The following FARP1 variants were observed in gnomAD, a reference collection of about 807,000 sequenced individuals.
The protein encoded by FARP1 is FERM, ARH/RhoGEF and pleckstrin domain protein 1.
A neutral mutation model predicts 128.8 loss-of-function variants in FARP1; 52 were observed. That is an observed-to-expected ratio of 0.40 (90% CI 0.32 to 0.51). The LOEUF (loss-of-function observed/expected upper bound fraction) is 0.51, where lower values mean the gene tolerates loss of function less well. FARP1 is among the 20% of genes least tolerant of loss of function. The pLI is 0.45. For synonymous variants in FARP1, 580 were observed against 551.8 expected, an observed-to-expected ratio of 1.05 and a Z score of -0.72; for missense variants, 1,333 against 1,367.9, an observed-to-expected ratio of 0.97 and a Z score of 0.40.
intron 17 of FARP1, among the ~76,000 whole-genome samples, chr13:98,426,509 G>A (rs7996944): frequency 0.45 from 68,311 of 151,904 alleles, 16,566 homozygotes; most frequent in African/African-American, 0.63. Flanking sequence ...TAATAAATAA[G>A]CAAAGATGAA....
intron 9 of FARP1, among the ~76,000 whole-genome samples, chr13:98,389,295 G>A (rs1328415244): frequency 1.3e-5 from 2 of 152,212 alleles, no homozygotes; most frequent in East Asian, 3.8e-4. Flanking sequence ...CCAAAACTGT[G>A]AGATCCCCCA....
intron 1 of FARP1, chr13:98,177,229 G>A (rs780544120): frequency 1.3e-6 from 2 of 1,552,928 alleles, no homozygotes; most frequent in East Asian, 2.3e-5. Flanking sequence ...AGAAGGTGGC[G>A]CTGCCATGTT....
chr13:98,406,916 T>A (rs141171075), intron 13 of FARP1: 2,036 of 152,718 alleles, frequency 0.013, 37 homozygotes, highest in South Asian at 0.066. Context: ...GGTGGCTGTA[T>A]CGGAGTGTGC....
At chr13:98,224,546 G>GA (rs11450140) in intron 2 of FARP1, among the ~76,000 whole-genome samples, 71,292 of 105,216 alleles carry the variant, frequency 0.68, 24,773 homozygotes, top group Non-Finnish European at 0.76. Context: ...AAAAAAAAAA[G>GA]AAAAAAAAAA....
chr13:98,204,880 C>A (rs925054336), intron 1 of FARP1, among the ~76,000 whole-genome samples: 4 of 151,906 alleles, frequency 2.6e-5, no homozygotes, highest in African/African-American at 9.7e-5. Context: ...CCCAGGAGCT[C>A]GAGGTTACAG....
chr13:98,439,335 G>T, intron 21 of FARP1, 139 bp downstream of exon 21: 1 of 639,660 alleles, frequency 1.6e-6, no homozygotes, highest in East Asian at 2.7e-5. Flanking sequence ...TACAAGACAT[G>T]GGCTCAAAGA....
At chr13:98,430,956 C>A in intron 17 of FARP1, 87 bp from the exon 18 acceptor site, 1 of 758,652 alleles carries the variant, frequency 1.3e-6, no homozygotes, top group Non-Finnish European at 2.3e-6. Context: ...AGTGCAGGAG[C>A]GCTTCATTTC....
intron 2 of FARP1, among the ~76,000 whole-genome samples, chr13:98,278,032 T>A (rs1194639050): frequency 6.6e-6 from 1 of 152,264 alleles, no homozygotes; most frequent in South Asian, 2.1e-4. Flanking sequence ...GGTCAAAATC[T>A]GGTGATCTGT....
intron 1 of FARP1, among the ~76,000 whole-genome samples, chr13:98,170,373 T>C (rs368050290): frequency 2.5e-4 from 38 of 152,102 alleles, no homozygotes; most frequent in African/African-American, 8.9e-4. Flanking sequence ...TGTTTATTTG[T>C]TGAGACAGAG....
intron 2 of FARP1, among the ~76,000 whole-genome samples, chr13:98,308,033 C>CTTTTTTTTTTT (rs10536692): frequency 1.8e-4 from 3 of 16,962 alleles, no homozygotes; most frequent in Admixed American, 9.1e-4. Flanking sequence ...CACTCTCTCT[C>CTTTTTTTTTTT]TTTTTTTTTT....
intron 2 of FARP1, among the ~76,000 whole-genome samples, chr13:98,319,843 G>GA (rs960728344): frequency 1.3e-5 from 2 of 151,106 alleles, no homozygotes; most frequent in Admixed American, 1.3e-4. Flanking sequence ...GTTGCTGGGG[G>GA]AAAAAAACAA....
chr13:98,290,684 G>A (rs1281633785), intron 2 of FARP1, among the ~76,000 whole-genome samples: 5 of 152,256 alleles, frequency 3.3e-5, no homozygotes, highest in East Asian at 3.9e-4. Context: ...GACCAATGGC[G>A]GTGGCTTTGA....
rs951974326 is a variant in FARP1 at position 98,176,066 on chromosome 13, T to G, written c.-24+32574T>G. ...AGATCCGGATTTCAATTCTTTTGGT[T>G]ACATACTCAGGCATGGGATTGCAGG... On this transcript the variant is annotated intron_variant, in intron 1 of 26. Coordinates refer to ENST00000319562, the MANE Select transcript of FARP1 (RefSeq NM_005766.4). This position sits in a 1 kb window ranked among gnomAD's most constrained non-coding sequence, Gnocchi z 6.2. 2 of 1,067,908 alleles carry G rather than the reference T, an allele frequency of 1.9e-6. No individual in the cohort carries two copies. The highest frequency in any genetic ancestry group is 4.7e-5 in the East Asian group (2 of 42,416). The allele number at this position is 1,067,908 out of a possible 1,614,324, so 66.2% of individuals were successfully genotyped here.
At chr13:98,415,841 T>A (rs4083519) in intron 16 of FARP1, among the ~76,000 whole-genome samples, 22,778 of 152,292 alleles carry the variant, frequency 0.15, 2,621 homozygotes, top group East Asian at 0.31. Context: ...TCCTGTCGAT[T>A]GGGATGGGTA....
At chr13:98,429,110 C>A in intron 17 of FARP1, among the ~76,000 whole-genome samples, 1 of 152,200 alleles carries the variant, frequency 6.6e-6, no homozygotes, top group Admixed American at 6.5e-5. Context: ...CTATGAATGT[C>A]TATTTCAAAA....
intron 2 of FARP1, among the ~76,000 whole-genome samples, chr13:98,219,944 C>G (rs1881318508): frequency 6.6e-6 from 1 of 152,184 alleles, no homozygotes; most frequent in Admixed American, 6.5e-5. Flanking sequence ...GCTGTGATTG[C>G]AGGCATGAGC....
intron 2 of FARP1, among the ~76,000 whole-genome samples, chr13:98,324,757 C>G (rs1887159568): frequency 6.6e-6 from 1 of 152,174 alleles, no homozygotes; most frequent in Non-Finnish European, 1.5e-5. Flanking sequence ...CCCGTTTGTG[C>G]TAGTAAAGAC....
chr13:98,276,495 G>A (rs1327270144), intron 2 of FARP1, among the ~76,000 whole-genome samples: 6 of 152,156 alleles, frequency 3.9e-5, no homozygotes, highest in Non-Finnish European at 7.3e-5. Flanking sequence ...TTTTGTACTG[G>A]TACAGACAAA....
intron 2 of FARP1, among the ~76,000 whole-genome samples, chr13:98,246,236 C>T (rs1009410870): frequency 1.3e-5 from 2 of 150,728 alleles, no homozygotes; most frequent in Non-Finnish European, 3.0e-5. Context: ...GCTAGGACTA[C>T]AGGCGCCCGC....
Sources: allele counts gnomAD v4.1 joint callset (sites outside exome capture counted in the v4.1 genomes callset), GRCh38; gene constraint gnomAD v4.1.1; non-coding constraint Gnocchi (gnomAD v3.1); transcripts MANE v1.5; gene names NCBI Gene and HGNC (gene_info 2026-07-23, HGNC 2026-07-21).